Variants in OPCML observed in about 807,000 individuals in gnomAD.
OPCML encodes opioid binding protein/cell adhesion molecule like.
A neutral mutation model predicts 37.8 loss-of-function variants in OPCML; 13 were observed. The ratio of observed to expected loss-of-function variants is 0.34; its 90% confidence interval spans 0.22 to 0.55. OPCML has a LOEUF of 0.55. OPCML is among the 20% of genes least tolerant of loss of function. OPCML has a pLI of 0.91. For missense variants in OPCML, 341 were observed against 435.6 expected, an observed-to-expected ratio of 0.78 and a Z score of 1.93; for synonymous variants, 176 against 168.8, an observed-to-expected ratio of 1.04 and a Z score of -0.33.
intron 1 of OPCML, among the ~76,000 whole-genome samples, chr11:133,081,656 T>G (rs1209484324): frequency 6.6e-6 from 1 of 152,188 alleles, no homozygotes; most frequent in Non-Finnish European, 1.5e-5. Flanking sequence ...ACTCCTGCTC[T>G]AGGGGGATCC....
intron 1 of OPCML, among the ~76,000 whole-genome samples, chr11:133,160,178 G>T (rs73596447): frequency 6.6e-6 from 1 of 152,192 alleles, no homozygotes; most frequent in Non-Finnish European, 1.5e-5. Flanking sequence ...ATAATATCTT[G>T]CCCCTAAGTC....
chr11:133,080,953 G>A (rs11223359), intron 1 of OPCML, among the ~76,000 whole-genome samples: 7,256 of 152,258 alleles, frequency 0.048, 238 homozygotes, highest in South Asian at 0.12. Flanking sequence ...AAGAGTGGGG[G>A]TGAAGCGTGC....
At chr11:133,250,972 A>G (rs1331835101) in intron 1 of OPCML, among the ~76,000 whole-genome samples, 1 of 152,096 alleles carries the variant, frequency 6.6e-6, no homozygotes, top group African/African-American at 2.4e-5. Context: ...AGCTTTTTGC[A>G]ACACATCTAC....
intron 1 of OPCML, among the ~76,000 whole-genome samples, chr11:133,517,027 G>T (rs1948293927): frequency 6.6e-6 from 1 of 152,128 alleles, no homozygotes. Context: ...AGTCCCAGAG[G>T]GAGGCAGTCA....
chr11:133,203,540 G>A (rs1004194528), intron 1 of OPCML, among the ~76,000 whole-genome samples: 4 of 152,096 alleles, frequency 2.6e-5, no homozygotes, highest in Admixed American at 2.0e-4. Context: ...TCAAATTACC[G>A]CCAATAGGGA....
chr11:132,646,644 C>T (rs1205106799), intron 3 of OPCML, among the ~76,000 whole-genome samples: 2 of 152,136 alleles, frequency 1.3e-5, no homozygotes, highest in East Asian at 1.9e-4. Context: ...TTGGACATGA[C>T]ATTTGCTTTG....
At chr11:132,567,827 A>G (rs1202562353) in intron 3 of OPCML, among the ~76,000 whole-genome samples, 3 of 152,256 alleles carry the variant, frequency 2.0e-5, no homozygotes, top group African/African-American at 4.8e-5. Flanking sequence ...CTGAGATGAC[A>G]GTCCGGGTAA....
intron 2 of OPCML, among the ~76,000 whole-genome samples, chr11:132,851,746 G>C (rs1164135980): frequency 1.3e-5 from 2 of 152,160 alleles, no homozygotes; most frequent in African/African-American, 4.8e-5. Context: ...TAGAAGAGAA[G>C]ACTGAGATTC....
chr11:132,796,799 C>CA (rs1190913741), intron 2 of OPCML, among the ~76,000 whole-genome samples: 2 of 151,978 alleles, frequency 1.3e-5, no homozygotes, highest in African/African-American at 4.8e-5. Flanking sequence ...AGGATGGTCT[C>CA]AATCTCCTGA....
chr11:132,942,834 G>T (rs1191533315), intron 2 of OPCML, 92 bp downstream of exon 2: 3 of 1,521,434 alleles, frequency 2.0e-6, no homozygotes, highest in Middle Eastern at 1.8e-4. Flanking sequence ...CTCGCGTTCC[G>T]GTCCCCCATG....
At chr11:132,921,233 A>C (rs1406869120) in intron 2 of OPCML, among the ~76,000 whole-genome samples, 1 of 152,130 alleles carries the variant, frequency 6.6e-6, no homozygotes, top group African/African-American at 2.4e-5. Context: ...ATCATGGGTG[A>C]TCATGGAAGA....
intron 1 of OPCML, among the ~76,000 whole-genome samples, chr11:132,984,559 T>C (rs977101174): frequency 1.1e-4 from 17 of 152,324 alleles, no homozygotes; most frequent in Admixed American, 2.6e-4. Context: ...GCTTAAAATG[T>C]TAACTAGTCC....
intron 2 of OPCML, among the ~76,000 whole-genome samples, chr11:132,719,638 C>T (rs1442354531): frequency 1.3e-5 from 2 of 152,222 alleles, no homozygotes; most frequent in East Asian, 3.9e-4. Flanking sequence ...GGCAGGAGAA[C>T]AGCTTCTTCC....
intron 1 of OPCML, among the ~76,000 whole-genome samples, chr11:133,509,255 G>A (rs1948103611): frequency 6.6e-6 from 1 of 152,138 alleles, no homozygotes; most frequent in South Asian, 2.1e-4. Context: ...ATTCTGTGAT[G>A]TTCGCCTCCC....
At position 133,373,448 on chromosome 11, in the gene OPCML, T is replaced by TATATAC. The variant is rs966091785; in HGVS notation, c.61+158815_61+158816insGTATAT. Among the ~76,000 whole-genome samples the TATATAC allele has an allele frequency of 4.9e-3, 642 of 132,156 alleles. 8 individuals are homozygous for TATATAC. The highest frequency in any genetic ancestry group is 0.016 in the African/African-American group (516 of 31,886). 86.7% of individuals were successfully genotyped at this position (132,156 alleles called of 152,430 possible). A position where few individuals can be genotyped will look rare whatever the true frequency, so the allele number is the denominator to read the frequency against. On this transcript the variant is annotated intron_variant, in intron 1 of 7. Transcript: ENST00000524381. ...AAATATATATATATATATATATATA[T>TATATAC]ACACACACACACACAAAAATACAAA...
Position 133,304,611 on chromosome 11 carries a change from C to T in OPCML, c.61+227653G>A, listed in dbSNP as rs1030952698. Reference sequence around the variant, plus strand: ...GGTTACAGACACGAGCCCCTGCTCCCATACCCAATGCCTTCTTGAAGCAAA... The same window carrying T: ...GGTTACAGACACGAGCCCCTGCTCCTATACCCAATGCCTTCTTGAAGCAAA... On this transcript the variant is annotated intron_variant, in intron 1 of 7. Transcript: ENST00000524381. Among the ~76,000 whole-genome samples the T allele has an allele frequency of 3.9e-5, 6 of 152,152 alleles. No individual in the cohort carries two copies. In the East Asian group the frequency reaches 5.8e-4, roughly 15 times the overall value.
intron 1 of OPCML, among the ~76,000 whole-genome samples, chr11:133,377,478 T>C (rs1944831326): frequency 6.6e-6 from 1 of 151,984 alleles, no homozygotes. Flanking sequence ...TGCTTCCTTC[T>C]CTTTCCCTCT....
chr11:133,440,228 C>T (rs1195691246), intron 1 of OPCML, among the ~76,000 whole-genome samples: 1 of 151,652 alleles, frequency 6.6e-6, no homozygotes, highest in Non-Finnish European at 1.5e-5. Flanking sequence ...GAAACCCCAT[C>T]TCTAGTTTAA....
chr11:132,918,373 C>T (rs1171807609), intron 2 of OPCML, among the ~76,000 whole-genome samples: 1 of 152,168 alleles, frequency 6.6e-6, no homozygotes, highest in Non-Finnish European at 1.5e-5. Flanking sequence ...TTCTCACGTC[C>T]ATTTGTAGGT....
Sources: gnomAD v4.1 joint callset for allele counts (sites outside exome capture counted in the v4.1 genomes callset) on GRCh38, gnomAD v4.1.1 for gene constraint, MANE v1.5 for transcripts, NCBI Gene and HGNC (gene_info 2026-07-23, HGNC 2026-07-21) for gene names.